NUP155: variants seen among roughly 807,000 people sequenced by gnomAD.
NUP155 encodes the protein nuclear pore complex protein Nup155.
A neutral mutation model predicts 180.4 loss-of-function variants in NUP155; 71 were observed. The observed-to-expected ratio is 0.39, with a 90% CI of 0.33 to 0.48. The LOEUF is 0.48. Ranked by LOEUF, NUP155 falls within the 20% of genes least tolerant of loss-of-function variation. The pLI is 0.91. For synonymous variants in NUP155, 582 were observed against 559.5 expected, an observed-to-expected ratio of 1.04 and a Z score of -0.57; for missense variants, 1,553 against 1,648.9, an observed-to-expected ratio of 0.94 and a Z score of 1.01.
At chr5:37,364,975 TA>T (rs1216966822) in intron 1 of NUP155, among the ~76,000 whole-genome samples, 1 of 151,624 alleles carries the variant, frequency 6.6e-6, no homozygotes, top group African/African-American at 2.4e-5. Context: ...TATTTTAAAA[TA>T]AAAGTGGCTG....
chr5:37,333,817 T>C (rs1008388926), intron 12 of NUP155, among the ~76,000 whole-genome samples, 184 bp from the exon 13 acceptor site: 1 of 152,094 alleles, frequency 6.6e-6, no homozygotes, highest in Non-Finnish European at 1.5e-5. Flanking sequence ...TTTTTGTTTT[T>C]TGTTTTTTTT....
Position 37,309,138 on chromosome 5 carries a change from A to G in NUP155, c.2758T>C (p.Tyr920His). ...ACATTTTATTTCTCACCTTGTCTAT[A>G]CTGAGCACAAACATTGGAAAGGTCC... Reference protein sequence around the residue: ...QVDLSNVCAQYRQVRFYEGVV... With the variant: ...QVDLSNVCAQHRQVRFYEGVV... Residue 920 changes from tyrosine (Y) to histidine (H), a missense_variant, in exon 24 of 35, where the codon TAT (tyrosine) becomes CAT (histidine). By Grantham distance (83) the Tyr-to-His change is moderately conservative. Coordinates refer to ENST00000231498, the MANE Select transcript of NUP155 (RefSeq NM_153485.3). 1 of 1,613,414 alleles carries G rather than the reference A, an allele frequency of 6.2e-7. No homozygotes were observed. The highest frequency in any genetic ancestry group is 8.5e-7 in the Non-Finnish European group (1 of 1,179,756).
rs183967479 is a variant in NUP155, at chr5:37,321,312, T to C, written c.2207+2680A>G. On this transcript the variant is annotated intron_variant, in intron 20 of 34. Coordinates refer to ENST00000231498, the MANE Select transcript of NUP155 (RefSeq NM_153485.3). ...AGTGAGCTGAGATTGCACCACTGCA[T>C]TGCAGCCTGGGCGACAAAGCAAGAC... Among the ~76,000 whole-genome samples, 15 of 149,658 alleles carry C rather than the reference T, an allele frequency of 1.0e-4. No homozygotes were observed. In the East Asian group the frequency reaches 1.6e-3, roughly 16 times the overall value.
In NUP155 at chr5:37,303,381, G is replaced by A. The variant is rs1742971897; in HGVS notation, c.3196C>T (p.Arg1066Ter). Residue 1066 changes from arginine (R) to a stop codon, truncating the protein, a stop_gained, in exon 28 of 35, where the codon CGA becomes TGA. Coordinates refer to ENST00000231498, the MANE Select transcript of NUP155 (RefSeq NM_153485.3). LOFTEE classifies it high-confidence loss of function. ...ASPFLEPHLV[R>*]MAKVDQNRVR... ...CTGTTTTGATCAACTTTGGCCATTC[G>A]GACTAGATGTGGCTCCAGAAATGGA... The A allele has an allele frequency of 6.2e-7, 1 of 1,613,980 alleles. No homozygotes were observed. The highest frequency in any genetic ancestry group is 8.5e-7 in the Non-Finnish European group (1 of 1,179,968).
In NUP155 at chr5:37,302,913, A is replaced by G. The variant is rs1742940959; in HGVS notation, c.3318-5T>C. 1.9e-6 allele frequency: 3 copies of G among 1,614,018 alleles called. No homozygotes were observed. The South Asian group carries it at 3.3e-5, about 18-fold the overall frequency. On this transcript the variant is annotated splice_polypyrimidine_tract_variant and splice_region_variant and intron_variant, in intron 28 of 34. Coordinates refer to ENST00000231498, the MANE Select transcript of NUP155 (RefSeq NM_153485.3). The stretch of plus-strand genomic sequence containing the variant: ...TGCTGAAGTGAAATTTCTGTGCTAG[A>G]AGGGAAAACGCTTATTTTTAGTTAC...
At chr5:37,366,811 C>T (rs1747614602) in intron 1 of NUP155, among the ~76,000 whole-genome samples, 1 of 152,078 alleles carries the variant, frequency 6.6e-6, no homozygotes, top group Non-Finnish European at 1.5e-5. Context: ...GTTGCCACGC[C>T]AGGCTAATTT....
chr5:37,303,451 C>G, intron 27 of NUP155, 37 bp from the exon 28 acceptor site: 1 of 1,548,832 alleles, frequency 6.5e-7, no homozygotes, highest in Non-Finnish European at 8.9e-7. Context: ...AATTTTCTAA[C>G]CACCTACAGA....
intron 32 of NUP155, among the ~76,000 whole-genome samples, chr5:37,294,744 G>C (rs927913617): frequency 2.6e-5 from 4 of 151,726 alleles, no homozygotes; most frequent in South Asian, 2.1e-4. Flanking sequence ...ATCACTCTCA[G>C]CTTAAAAGAA....
intron 1 of NUP155, chr5:37,370,565 A>G: frequency 9.6e-7 from 1 of 1,036,286 alleles, no homozygotes; most frequent in Non-Finnish European, 1.3e-6. Context: ...GAAGCTCATT[A>G]AGGTTGAGGT....
chr5:37,342,704 A>G, intron 9 of NUP155, 58 bp from the exon 10 acceptor site: 1 of 1,099,440 alleles, frequency 9.1e-7, no homozygotes, highest in Non-Finnish European at 1.4e-6. Flanking sequence ...AATTATAAGA[A>G]ATATTTCCCA....
intron 33 of NUP155, 110 bp downstream of exon 33, chr5:37,294,219 A>T (rs1742394462): frequency 1.3e-6 from 1 of 746,288 alleles, no homozygotes; most frequent in Admixed American, 2.5e-5. Context: ...ACCAAGTGTA[A>T]TTAGACTAAG....
In NUP155 at chr5:37,352,809, G is replaced by A. The variant is rs765177729; in HGVS notation, c.484C>T (p.Arg162Ter). Residue 162 changes from arginine (R) to a stop codon, truncating the protein, a stop_gained, in exon 5 of 35, where the codon CGA becomes TGA. Coordinates refer to ENST00000231498, the MANE Select transcript of NUP155 (RefSeq NM_153485.3). LOFTEE classifies it high-confidence loss of function. ...GGGGTCGCCAAAACCAGGAGGTGTC[G>A]CACATGAGGTTGAAAGATGCCTAAG... ...PKAGIFQPHV[R>*]HLLVLATPVD... 3 of 1,612,932 alleles carry A rather than the reference G, an allele frequency of 1.9e-6. No individual in the cohort carries two copies. The highest frequency in any genetic ancestry group is 1.3e-5 in the African/African-American group (1 of 74,988).
chr5:37,354,238 C>T (rs933880330), intron 4 of NUP155, among the ~76,000 whole-genome samples: 5 of 151,888 alleles, frequency 3.3e-5, no homozygotes, highest in African/African-American at 1.2e-4. Context: ...CCTCTGCCTC[C>T]CGGGTTCAAG....
At chr5:37,320,532 C>G (rs1451424522) in intron 20 of NUP155, among the ~76,000 whole-genome samples, 1 of 152,006 alleles carries the variant, frequency 6.6e-6, no homozygotes, top group Non-Finnish European at 1.5e-5. Flanking sequence ...GAGGAGAAAG[C>G]AAGTAGAGCT....
chr5:37,307,571 G>T, intron 24 of NUP155, 139 bp from the exon 25 acceptor site: 1 of 837,668 alleles, frequency 1.2e-6, no homozygotes, highest in Non-Finnish European at 1.9e-6. Context: ...AAATATTTCT[G>T]ATAGGTCTTC....
chr5:37,352,871 T>C, intron 4 of NUP155, 42 bp from the exon 5 acceptor site: 1 of 1,357,134 alleles, frequency 7.4e-7, no homozygotes, highest in Non-Finnish European at 1.1e-6. Context: ...TTTCAGCATT[T>C]AAGCACTAAC....
In NUP155 at chr5:37,291,730, A is replaced by G; in HGVS notation, c.*170T>C. On this transcript the variant is annotated 3_prime_UTR_variant, in exon 35 of 35. Transcript: ENST00000231498. ...AATTACTAAAAAACAAAATAGTCAT[A>G]AAAAAGAATTCATTTAGCAAAGGTA... The G allele has an allele frequency of 1.9e-6, 1 of 535,204 alleles. No homozygotes were observed. The highest frequency in any genetic ancestry group is 3.3e-5 in the South Asian group (1 of 30,586). 33.2% of individuals were successfully genotyped at this position (535,204 alleles called of 1,614,324 possible).
chr5:37,364,664 T>C (rs1747437462), intron 1 of NUP155, among the ~76,000 whole-genome samples: 1 of 150,308 alleles, frequency 6.7e-6, no homozygotes, highest in African/African-American at 2.5e-5. Flanking sequence ...TGAGATAGAG[T>C]CTCGCACTGT....
chr5:37,326,093 T>C lies in NUP155; in HGVS notation c.2025-126A>G, dbSNP rs1744584814. 8.3e-6 allele frequency: 6 copies of C among 721,380 alleles called. 1 individual carries two copies. The South Asian group carries it at 9.4e-5, about 11-fold the overall frequency. The allele number at this position is 721,380 out of a possible 1,614,324, so 44.7% of individuals were successfully genotyped here. A position where few individuals can be genotyped will look rare whatever the true frequency, so the allele number is the denominator to read the frequency against. The stretch of plus-strand genomic sequence containing the variant: ...AACTTGCAGTGGTTTCATTTAACAT[T>C]TTACTAAGCTATCTAGAAGAGTGGA... On this transcript the variant is annotated intron_variant, in intron 18 of 34. Coordinates refer to ENST00000231498, the MANE Select transcript of NUP155 (RefSeq NM_153485.3).
Sources: allele counts gnomAD v4.1 joint callset (sites outside exome capture counted in the v4.1 genomes callset), GRCh38; gene constraint gnomAD v4.1.1; transcripts MANE v1.5; gene names NCBI Gene and HGNC (gene_info 2026-07-23, HGNC 2026-07-21).